The following SEC16B variants were observed in gnomAD, a reference collection of about 807,000 sequenced individuals.
SEC16B encodes SEC16 homolog B, endoplasmic reticulum export factor.
Under a neutral mutation model 141.8 loss-of-function variants are expected in SEC16B, and 115 were observed. The observed-to-expected ratio is 0.81, with a 90% CI of 0.70 to 0.95. The LOEUF (loss-of-function observed/expected upper bound fraction) is 0.95, where lower values mean the gene tolerates loss of function less well. Ranked by LOEUF, SEC16B falls within the 40% of genes least tolerant of loss-of-function variation. The pLI, the probability that SEC16B is intolerant of heterozygous loss-of-function variation, is 0.00. For missense variants in SEC16B, 1,291 were observed against 1,312.3 expected (o/e 0.98, Z 0.25); for synonymous variants, 493 against 492.5 (o/e 1.00, Z -0.01).
intron 18 of SEC16B, 24 bp downstream of exon 18, chr1:177,939,678 T>G (rs368893079): frequency 6.6e-7 from 1 of 1,524,164 alleles, no homozygotes; most frequent in Non-Finnish European, 9.0e-7. Flanking sequence ...GCTATGTATA[T>G]GCTCAGTTCA....
In SEC16B at chr1:177,967,708, C is replaced by T; in HGVS notation, c.274G>A (p.Gly92Ser). ...CTTGAATACAACTGATTGCGATAAC[C>T]ACCTTCGTAATAGTCAACTCCAGAC... ...PVSGVDYYEGGYRNQLYSRPG... is the reference protein window; with the variant it reads ...PVSGVDYYEGSYRNQLYSRPG... Residue 92 changes from glycine (G) to serine (S), a missense_variant, in exon 2 of 26, where the codon GGT (glycine) becomes AGT (serine). Around this residue, in one of 3 missense-constraint regions of SEC16B, gnomAD observed 681 missense variants for 675.5 expected, o/e 1.01. Transcript: ENST00000308284. 3 of 1,605,474 alleles carry T rather than the reference C, an allele frequency of 1.9e-6. No individual in the cohort carries two copies. The highest frequency in any genetic ancestry group is 2.6e-6 in the Non-Finnish European group (3 of 1,173,726).
At chr1:177,950,869 G>A (rs867814727) in intron 12 of SEC16B, among the ~76,000 whole-genome samples, 1 of 150,540 alleles carries the variant, frequency 6.6e-6, no homozygotes, top group East Asian at 2.0e-4. Context: ...AAAAAGAAAG[G>A]AGGGAAGGAA....
intron 10 of SEC16B, among the ~76,000 whole-genome samples, chr1:177,955,780 C>T (rs1471350114): frequency 2.0e-5 from 3 of 152,320 alleles, no homozygotes; most frequent in East Asian, 3.9e-4. Flanking sequence ...CAATATCTAT[C>T]AAAATCATAA....
chr1:177,966,513 A>T (rs1468835234), intron 2 of SEC16B, among the ~76,000 whole-genome samples: 1 of 152,170 alleles, frequency 6.6e-6, no homozygotes, highest in Non-Finnish European at 1.5e-5. Context: ...TGAGAATTCA[A>T]CAATCCAAAA....
intron 11 of SEC16B, among the ~76,000 whole-genome samples, chr1:177,952,705 T>C (rs1284754382): frequency 1.3e-5 from 2 of 152,194 alleles, no homozygotes; most frequent in Non-Finnish European, 2.9e-5. Flanking sequence ...AGATGTATGC[T>C]ACAATGTGGG....
intron 20 of SEC16B, among the ~76,000 whole-genome samples, chr1:177,934,397 G>A (rs1571306997): frequency 6.6e-6 from 1 of 152,028 alleles, no homozygotes; most frequent in Admixed American, 6.6e-5. Context: ...ATGACATATT[G>A]CCCTCTTCTG....
chr1:177,950,606 C>T (rs1652114104), intron 12 of SEC16B, among the ~76,000 whole-genome samples: 1 of 151,788 alleles, frequency 6.6e-6, no homozygotes, highest in South Asian at 2.1e-4. Flanking sequence ...AATGTTACCA[C>T]AAAACAAATG....
chr1:177,946,280 G>C lies in SEC16B; in HGVS notation c.1775+140C>G, dbSNP rs936318637. 2.0e-5 allele frequency: 15 copies of C among 746,890 alleles called. No individual in the cohort carries two copies. The African/African-American group carries it at 2.2e-4, about 11-fold the overall frequency. 46.3% of individuals were successfully genotyped at this position (746,890 alleles called of 1,614,324 possible). A position where few individuals can be genotyped will look rare whatever the true frequency, so the allele number is the denominator to read the frequency against. On this transcript the variant is annotated intron_variant, in intron 14 of 25. Coordinates refer to ENST00000308284, the MANE Select transcript of SEC16B (RefSeq NM_033127.4). ...GCATCTCCTTGCACAGACCTGCACA[G>C]ATAACAATCCCAAATAAGGGAGCCG...
At chr1:177,945,262 G>T (rs748710151) in intron 14 of SEC16B, 12 of 152,240 alleles carry the variant, frequency 7.9e-5, no homozygotes, top group Non-Finnish European at 1.6e-4. Flanking sequence ...GTGGGCACAA[G>T]AGTCTCATGT....
rs1650234120 is a variant in SEC16B at position 177,929,133 on chromosome 1, A to G, written c.*725T>C. 1 of 152,622 alleles carries G rather than the reference A, an allele frequency of 6.6e-6. No individual in the cohort carries two copies. 9.5% of individuals were successfully genotyped at this position (152,622 alleles called of 1,614,324 possible). ...GGAACCGTTTTCCATCATTTATTAT[A>G]CTGATGTGCCATCCATCTGCATCAT... On this transcript the variant is annotated 3_prime_UTR_variant, in exon 26 of 26. Transcript: ENST00000308284.
At chr1:177,959,010 C>T in intron 8 of SEC16B, 35 bp from the exon 9 acceptor site, 1 of 1,597,486 alleles carries the variant, frequency 6.3e-7, no homozygotes, top group Non-Finnish European at 8.5e-7. Flanking sequence ...AAAGAGTGAG[C>T]AGGCAGACAC....
chr1:177,962,102 T>C (rs1305971529), intron 5 of SEC16B, among the ~76,000 whole-genome samples: 1 of 152,024 alleles, frequency 6.6e-6, no homozygotes. Context: ...TGAGACAGAG[T>C]CTCACTCTGT....
At chr1:177,930,689 G>T in intron 24 of SEC16B, 46 bp from the exon 25 acceptor site, 1 of 1,430,984 alleles carries the variant, frequency 7.0e-7, no homozygotes, top group Non-Finnish European at 9.8e-7. Flanking sequence ...CTGCCTCCCA[G>T]ATTCCAGAAT....
In SEC16B at chr1:177,948,549, AG is replaced by A. The variant is rs1212157853; in HGVS notation, c.1546-608del. 6.1e-6 allele frequency: 8 copies of A among 1,304,166 alleles called. No individual in the cohort carries two copies. In the Admixed American group the frequency reaches 1.1e-4, roughly 19 times the overall value. The allele number at this position is 1,304,166 out of a possible 1,614,324, so 80.8% of individuals were successfully genotyped here. On this transcript the variant is annotated intron_variant, in intron 12 of 25. Coordinates refer to ENST00000308284, the MANE Select transcript of SEC16B (RefSeq NM_033127.4). The stretch of plus-strand genomic sequence containing the variant: ...GATGCAGAGGCAGCAGAATTCCACC[AG>A]GGGGCAAAAAAGAGTAAGCAGCGTG...
chr1:177,937,433 G>C lies in SEC16B; in HGVS notation c.2284C>G (p.Pro762Ala). ...GGCTGGAGCAGGCAGGTCTGCTCAG[G>C]TGTCAGCCACAGAGCTGAGCGGTAC... The part of the protein sequence containing the change: ...PGYRSALWLT[P>A]EQTCLLQPSP... Residue 762 changes from proline (P) to alanine (A), a missense_variant, in exon 19 of 26, where the codon CCT becomes GCT. Pro to Ala is a conservative substitution (Grantham distance 27). Transcript: ENST00000308284. 6.2e-7 allele frequency: 1 copy of C among 1,607,656 alleles called. No individual in the cohort carries two copies. Among genetic ancestry groups the C allele is most frequent in the South Asian group, 1.1e-5 (1 of 89,828 alleles).
intron 11 of SEC16B, among the ~76,000 whole-genome samples, chr1:177,953,956 C>T (rs1201280188): frequency 1.3e-5 from 2 of 152,038 alleles, no homozygotes; most frequent in African/African-American, 2.4e-5. Flanking sequence ...AGGAAGTGAT[C>T]GCTACCCCTC....
At chr1:177,956,931 G>A (rs999855090) in intron 10 of SEC16B, among the ~76,000 whole-genome samples, 1 of 152,098 alleles carries the variant, frequency 6.6e-6, no homozygotes, top group Non-Finnish European at 1.5e-5. Flanking sequence ...TTATGATGTC[G>A]GGTTAGGTGT....
intron 12 of SEC16B, among the ~76,000 whole-genome samples, chr1:177,951,445 G>A (rs905662622): frequency 2.0e-5 from 3 of 152,158 alleles, no homozygotes; most frequent in Non-Finnish European, 4.4e-5. Flanking sequence ...GATTGAAATC[G>A]AGTATGTCCA....
At position 177,961,182 on chromosome 1, in the gene SEC16B, C is replaced by T. The variant is rs78839165; in HGVS notation, c.788-243G>A. On this transcript the variant is annotated intron_variant, in intron 6 of 25. Transcript: ENST00000308284. Reference sequence around the variant, plus strand: ...TCAGTCCAAATGATAATGCTCTCAGCCCAGACTCTCAGTGATGCTGAGAGG... The same window carrying T: ...TCAGTCCAAATGATAATGCTCTCAGTCCAGACTCTCAGTGATGCTGAGAGG... 2.0e-3 allele frequency: 1,014 copies of T among 512,832 alleles called. 25 individuals are homozygous for T. In the East Asian group the frequency reaches 0.035, roughly 18 times the overall value. The allele number at this position is 512,832 out of a possible 1,614,324, so 31.8% of individuals were successfully genotyped here.
Sources: gnomAD v4.1 joint callset for allele counts (sites outside exome capture counted in the v4.1 genomes callset) on GRCh38, gnomAD v4.1.1 for gene constraint, gnomAD v4.1.1 regional missense constraint, MANE v1.5 for transcripts, NCBI Gene and HGNC (gene_info 2026-07-23, HGNC 2026-07-21) for gene names.